Variants in SPECC1 observed in about 807,000 individuals in gnomAD.
SPECC1 encodes the protein sperm antigen with calponin homology and coiled-coil domains 1.
A neutral mutation model predicts 104.1 loss-of-function variants in SPECC1; 62 were observed. The observed-to-expected ratio is 0.60, with a 90% confidence interval of 0.49 to 0.74. The LOEUF (loss-of-function observed/expected upper bound fraction) is 0.74, where lower values mean the gene tolerates loss of function less well. SPECC1 is among the 30% of genes least tolerant of loss of function. The pLI is 0.00. For synonymous variants in SPECC1, 513 were observed against 501.6 expected (o/e 1.02, Z -0.30); for missense variants, 1,306 against 1,310.5 (o/e 1.00, Z 0.05).
Position 20,253,518 on chromosome 17 carries a change from AC to A in SPECC1, c.2613del (p.Tyr871Ter). The part of the protein sequence containing the change: ...AVSPMQRHST[Y>X]SSVRPASRGV... ...TGGTTTTTACAGAGGCATTCGACTTACAGCAGTGTGCGGCCAGCCAGCAGAG... is the reference window on the plus strand; with the variant it reads ...TGGTTTTTACAGAGGCATTCGACTTAAGCAGTGTGCGGCCAGCCAGCAGAG... On this transcript the variant is annotated frameshift_variant, in exon 10 of 15. Coordinates refer to ENST00000395527, the MANE Select transcript of SPECC1 (RefSeq NM_001243439.2). LOFTEE classifies it high-confidence loss of function. The A allele has an allele frequency of 1.9e-6, 3 of 1,614,066 alleles. No homozygotes were observed. The highest frequency in any genetic ancestry group is 1.7e-6 in the Non-Finnish European group (2 of 1,180,036).
chr17:20,191,869 A>G (rs2035694768), intron 3 of SPECC1, among the ~76,000 whole-genome samples: 2 of 151,762 alleles, frequency 1.3e-5, no homozygotes, highest in South Asian at 4.2e-4. Context: ...CTCATTTTCC[A>G]TCTGTATTTC....
chr17:20,168,931 G>C (rs910244934), intron 3 of SPECC1, among the ~76,000 whole-genome samples: 2 of 152,176 alleles, frequency 1.3e-5, no homozygotes, highest in Non-Finnish European at 2.9e-5. Context: ...GGAGTACAGT[G>C]GTGCTATCTG....
chr17:20,232,102 A>G lies in SPECC1; in HGVS notation c.2146-98A>G, dbSNP rs992392223. On this transcript the variant is annotated intron_variant, in intron 6 of 14. Transcript: ENST00000395527. The stretch of plus-strand genomic sequence containing the variant: ...CAGGGCCTCACCAAGCACTGATGGC[A>G]TTTTTTTCTTGGTGACCAACACGGG... 6 of 1,425,896 alleles carry G rather than the reference A, an allele frequency of 4.2e-6. No individual in the cohort carries two copies. The Admixed American group carries it at 5.5e-5, about 13-fold the overall frequency. The allele number at this position is 1,425,896 out of a possible 1,614,324, so 88.3% of individuals were successfully genotyped here.
At position 20,227,581 on chromosome 17, in the gene SPECC1, G is replaced by A; in HGVS notation, c.2032G>A (p.Val678Ile). ...AGATCAGGTGGAACAGCACCGGGCT[G>A]TCAAGTTACACAATAATCAACTCAT... ...LEDQVEQHRA[V>I]KLHNNQLISE... The change falls in exon 5 of 15, where the codon GTC (valine) becomes ATC (isoleucine). Residue 678 changes from valine to isoleucine, a missense_variant. Val to Ile is a conservative substitution (Grantham distance 29). Transcript: ENST00000395527. The A allele has an allele frequency of 6.2e-7, 1 of 1,611,532 alleles. No individual in the cohort carries two copies. The highest frequency in any genetic ancestry group is 2.2e-5 in the East Asian group (1 of 44,860).
chr17:20,304,051 C>T (rs1490751631), intron 13 of SPECC1, among the ~76,000 whole-genome samples: 3 of 144,626 alleles, frequency 2.1e-5, no homozygotes, highest in East Asian at 2.1e-4. Context: ...GTAGGCAGAT[C>T]GCTTGAGCCC....
intron 4 of SPECC1, among the ~76,000 whole-genome samples, chr17:20,212,883 C>T (rs1432347962): frequency 6.6e-6 from 1 of 152,176 alleles, no homozygotes; most frequent in Non-Finnish European, 1.5e-5. Context: ...ATTTTAATAA[C>T]AGCAACTAAT....
intron 1 of SPECC1, among the ~76,000 whole-genome samples, chr17:20,023,507 G>A (rs1043485602): frequency 6.6e-6 from 1 of 152,174 alleles, no homozygotes; most frequent in African/African-American, 2.4e-5. Flanking sequence ...GGACACGGGA[G>A]AGCACACAAT....
intron 1 of SPECC1, among the ~76,000 whole-genome samples, chr17:20,012,373 A>T (rs2043973479): frequency 6.6e-6 from 1 of 151,778 alleles, no homozygotes; most frequent in African/African-American, 2.4e-5. Flanking sequence ...TGATTCTTGT[A>T]GGGGTTTTTG....
chr17:20,272,819 G>A (rs2040451173), intron 12 of SPECC1, among the ~76,000 whole-genome samples: 1 of 152,108 alleles, frequency 6.6e-6, no homozygotes. Context: ...ATAGCATCCT[G>A]TTCTTGTTTC....
chr17:20,155,827 CCCGCCCACGG>C (rs1172391487), intron 3 of SPECC1: 13 of 782,908 alleles, frequency 1.7e-5, no homozygotes, highest in Non-Finnish European at 2.1e-5. Context: ...GCCGGTGCGT[CCCGCCCACGG>C]CGCGGGGCCT....
In SPECC1 at chr17:20,317,444, A is replaced by C. The variant is rs2042055377; in HGVS notation, c.*3379A>C. Reference sequence around the variant, plus strand: ...CCTGGCATATTTTTGTATTTTTAGTAGAAACAGTTTCACCATGTTGGCCAG... The same window carrying C: ...CCTGGCATATTTTTGTATTTTTAGTCGAAACAGTTTCACCATGTTGGCCAG... On this transcript the variant is annotated 3_prime_UTR_variant, in exon 15 of 15. Transcript: ENST00000395527. The C allele has an allele frequency of 2.3e-5, 4 of 177,056 alleles. No individual in the cohort carries two copies. Among genetic ancestry groups the C allele is most frequent in the Non-Finnish European group, 4.8e-5 (4 of 82,636 alleles). 11.0% of individuals were successfully genotyped at this position (177,056 alleles called of 1,614,324 possible).
At chr17:20,283,878 C>T (rs1409937081) in intron 12 of SPECC1, among the ~76,000 whole-genome samples, 1 of 152,092 alleles carries the variant, frequency 6.6e-6, no homozygotes, top group African/African-American at 2.4e-5. Context: ...CATGAGCTAC[C>T]ATGTCTGTCC....
chr17:20,160,685 C>T (rs537805989), intron 3 of SPECC1, among the ~76,000 whole-genome samples: 21 of 152,206 alleles, frequency 1.4e-4, no homozygotes, highest in African/African-American at 4.1e-4. Flanking sequence ...CATTCCTCTA[C>T]CCACCCATTA....
chr17:20,046,864 C>T (rs895748325), intron 1 of SPECC1, among the ~76,000 whole-genome samples: 15 of 130,896 alleles, frequency 1.1e-4, no homozygotes, highest in African/African-American at 4.1e-4. Flanking sequence ...CCGGAGGGCA[C>T]GTGGGGTGGG....
intron 14 of SPECC1, among the ~76,000 whole-genome samples, chr17:20,313,634 A>T (rs2041989199): frequency 6.6e-6 from 1 of 152,234 alleles, no homozygotes. Context: ...TTAGAGGTGG[A>T]TTCAAATGTA....
At chr17:20,212,536 G>A (rs1014163652) in intron 4 of SPECC1, among the ~76,000 whole-genome samples, 7 of 152,090 alleles carry the variant, frequency 4.6e-5, no homozygotes, top group Non-Finnish European at 1.0e-4. Flanking sequence ...ATCAGATCTC[G>A]TGAGACTTAT....
chr17:20,227,509 A>G lies in SPECC1; in HGVS notation c.1960A>G (p.Ser654Gly). 6.2e-7 allele frequency: 1 copy of G among 1,613,312 alleles called. No homozygotes were observed. Among genetic ancestry groups the G allele is most frequent in the Non-Finnish European group, 8.5e-7 (1 of 1,179,762 alleles). The change falls in exon 5 of 15, where the codon AGT becomes GGT. Residue 654 changes from serine (S) to glycine (G), a missense_variant. Physicochemically the swap from Ser to Gly is moderately conservative, Grantham distance 56. Around this residue, in one of 2 missense-constraint regions of SPECC1, gnomAD observed 1,177 missense variants for 1,139.9 expected, o/e 1.03. Coordinates refer to ENST00000395527, the MANE Select transcript of SPECC1 (RefSeq NM_001243439.2). ...AAAGCTGCAAGAAAAAGCATCAGAG[A>G]GTGATGCAGAGATCAAAGACATGAA... ...SLKLQEKASE[S>G]DAEIKDMKET...
At chr17:20,129,920 A>T (rs2049522848) in intron 3 of SPECC1, among the ~76,000 whole-genome samples, 2 of 151,218 alleles carry the variant, frequency 1.3e-5, no homozygotes, top group South Asian at 4.2e-4. Context: ...CGCCCAGCTA[A>T]TTTTTGTATT....
chr17:20,285,762 C>T (rs2151688298), intron 12 of SPECC1, among the ~76,000 whole-genome samples: 1 of 151,674 alleles, frequency 6.6e-6, no homozygotes, highest in South Asian at 2.1e-4. Context: ...CTCCCCCTCC[C>T]TGTCCTCCCT....
Sources: gnomAD v4.1 joint callset for allele counts (sites outside exome capture counted in the v4.1 genomes callset) on GRCh38, gnomAD v4.1.1 for gene constraint, gnomAD v4.1.1 regional missense constraint, MANE v1.5 for transcripts, NCBI Gene and HGNC (gene_info 2026-07-23, HGNC 2026-07-21) for gene names.